Variants in HSPA1L observed in about 807,000 individuals in gnomAD.
The protein encoded by HSPA1L is heat shock protein family A (Hsp70) member 1 like.
HSPA1L carries 21 observed loss-of-function variants against 31.5 expected under a neutral mutation model. The ratio of observed to expected loss-of-function variants is 0.67; its 90% CI spans 0.47 to 0.96. The LOEUF is 0.96. HSPA1L is among the 40% of genes least tolerant of loss of function. The pLI, the probability that HSPA1L is intolerant of heterozygous loss-of-function variation, is 0.00. For synonymous variants in HSPA1L, 293 were observed against 323.1 expected (o/e 0.91, Z 1.00); for missense variants, 709 against 813.4 (o/e 0.87, Z 1.56).
intron 1 of HSPA1L, among the ~76,000 whole-genome samples, chr6:31,813,075 C>G (rs1815544013): frequency 6.6e-6 from 1 of 152,212 alleles, no homozygotes; most frequent in Non-Finnish European, 1.5e-5. Context: ...CTCCCACCTC[C>G]AAGTCACCAA....
In HSPA1L at chr6:31,815,161, C is replaced by A. The variant is rs1019931443; in HGVS notation, c.-286G>T. 5.0e-5 allele frequency: 15 copies of A among 302,288 alleles called. No individual in the cohort carries two copies. Among genetic ancestry groups the A allele is most frequent in the Non-Finnish European group, 4.6e-5 (9 of 194,680 alleles). 18.7% of individuals were successfully genotyped at this position (302,288 alleles called of 1,614,324 possible). ...CTGGACGCGCGTAACCCGCTCCCCGCACCAGCCCCCTGCCCACAACTGCGC... is the reference window on the plus strand; with the variant it reads ...CTGGACGCGCGTAACCCGCTCCCCGAACCAGCCCCCTGCCCACAACTGCGC... On this transcript the variant is annotated 5_prime_UTR_variant, in exon 1 of 2. Coordinates refer to ENST00000375654, the MANE Select transcript of HSPA1L (RefSeq NM_005527.4).
chr6:31,812,414 C>A (rs1815491816), intron 1 of HSPA1L, among the ~76,000 whole-genome samples: 1 of 151,970 alleles, frequency 6.6e-6, no homozygotes, highest in Non-Finnish European at 1.5e-5. Context: ...CTCAGGTGAT[C>A]CGCCCGCCTC....
At position 31,811,786 on chromosome 6, in the gene HSPA1L, T is replaced by C. The variant is rs778784868; in HGVS notation, c.187A>G (p.Met63Val). The change falls in exon 2 of 2, where the codon ATG (methionine) becomes GTG (valine). Residue 63 changes from methionine to valine, a missense_variant. Coordinates refer to ENST00000375654, the MANE Select transcript of HSPA1L (RefSeq NM_005527.4). ...IGDAAKNQVA[M>V]NPQNTVFDAK... Reference sequence around the variant, plus strand: ...TCAAAAACAGTGTTCTGGGGATTCATTGCTACCTGGTTCTTGGCCGCATCC... The same window carrying C: ...TCAAAAACAGTGTTCTGGGGATTCACTGCTACCTGGTTCTTGGCCGCATCC... 12 of 1,614,082 alleles carry C rather than the reference T, an allele frequency of 7.4e-6. No homozygotes were observed. Among genetic ancestry groups the C allele is most frequent in the African/African-American group, 2.7e-5 (2 of 74,924 alleles).
At position 31,811,804 on chromosome 6, in the gene HSPA1L, C is replaced by T; in HGVS notation, c.169G>A (p.Ala57Thr). 2 of 1,614,162 alleles carry T rather than the reference C, an allele frequency of 1.2e-6. No homozygotes were observed. Among genetic ancestry groups the T allele is most frequent in the Non-Finnish European group, 1.7e-6 (2 of 1,180,042 alleles). The change falls in exon 2 of 2, where the codon GCC becomes ACC. Residue 57 changes from alanine (A) to threonine (T), a missense_variant. By Grantham distance (58) the Ala-to-Thr change is moderately conservative. Coordinates refer to ENST00000375654, the MANE Select transcript of HSPA1L (RefSeq NM_005527.4). Reference sequence around the variant, plus strand: ...GGATTCATTGCTACCTGGTTCTTGGCCGCATCCCCAATGAGCCGCTCGGTG... The same window carrying T: ...GGATTCATTGCTACCTGGTTCTTGGTCGCATCCCCAATGAGCCGCTCGGTG... ...TDTERLIGDAAKNQVAMNPQN... is the reference protein window; with the variant it reads ...TDTERLIGDATKNQVAMNPQN...
rs1463437168 is a variant in HSPA1L, at chr6:31,811,902, T to G, written c.71A>C (p.Gln24Pro). ...GGCGATGATCTCCACCTTGCCGTGC[T>G]GGAACACCCCCACACAGGAGTAGGT... ...GTTYSCVGVF[Q>P]HGKVEIIAND... The change falls in exon 2 of 2, where the codon CAG becomes CCG. Residue 24 changes from glutamine (Q) to proline (P), a missense_variant. Gln to Pro is a moderately conservative substitution (Grantham distance 76, BLOSUM62 -1). Transcript: ENST00000375654. The G allele has an allele frequency of 5.6e-6, 9 of 1,614,112 alleles. No homozygotes were observed. Among genetic ancestry groups the G allele is most frequent in the Non-Finnish European group, 7.6e-6 (9 of 1,180,040 alleles).
intron 1 of HSPA1L, 95 bp downstream of exon 1, chr6:31,814,794 G>T: frequency 1.6e-6 from 1 of 611,570 alleles, no homozygotes; most frequent in Non-Finnish European, 2.0e-6. Flanking sequence ...ACATACCTCA[G>T]GCTTAAACCA....
Position 31,811,909 on chromosome 6 carries a change from C to T in HSPA1L, c.64G>A (p.Val22Met), listed in dbSNP as rs1222321552. 6.2e-7 allele frequency: 1 copy of T among 1,614,208 alleles called. No homozygotes were observed. Among genetic ancestry groups the T allele is most frequent in the Non-Finnish European group, 8.5e-7 (1 of 1,180,034 alleles). Residue 22 changes from valine to methionine, a missense_variant, in exon 2 of 2, where the codon GTG (valine) becomes ATG (methionine). Coordinates refer to ENST00000375654, the MANE Select transcript of HSPA1L (RefSeq NM_005527.4). The stretch of plus-strand genomic sequence containing the variant: ...ATCTCCACCTTGCCGTGCTGGAACA[C>T]CCCCACACAGGAGTAGGTGGTGCCC... Reference protein sequence around the residue: ...DLGTTYSCVGVFQHGKVEIIA... With the variant: ...DLGTTYSCVGMFQHGKVEIIA...
Position 31,810,988 on chromosome 6 carries a change from C to G in HSPA1L, c.985G>C (p.Asp329His), listed in dbSNP as rs976294956. The stretch of plus-strand genomic sequence containing the variant: ...ACAATGTCATGGATTTTAGCCTTAT[C>G]CATCTTGGCATCCCGAAGCGCTTTT... ...VEKALRDAKM[D>H]KAKIHDIVLV... Residue 329 changes from aspartate (D) to histidine (H), a missense_variant, in exon 2 of 2, where the codon GAT becomes CAT. Asp to His is a moderately conservative substitution (Grantham distance 81, BLOSUM62 -1). Coordinates refer to ENST00000375654, the MANE Select transcript of HSPA1L (RefSeq NM_005527.4). 1 of 1,614,202 alleles carries G rather than the reference C, an allele frequency of 6.2e-7. No individual in the cohort carries two copies. The highest frequency in any genetic ancestry group is 8.5e-7 in the Non-Finnish European group (1 of 1,180,014).
rs1292534846 is a variant in HSPA1L, at chr6:31,809,988, A to G, written c.*59T>C. The G allele has an allele frequency of 5.5e-6, 7 of 1,281,978 alleles. No individual in the cohort carries two copies. The highest frequency in any genetic ancestry group is 1.6e-5 in the African/African-American group (1 of 63,288). The allele number at this position is 1,281,978 out of a possible 1,614,324, so 79.4% of individuals were successfully genotyped here. On this transcript the variant is annotated 3_prime_UTR_variant, in exon 2 of 2. Transcript: ENST00000375654. ...GGTCAAGAATAATAATGATGTTTGAAGATGAGGGGAATGAAATACATGTAG... is the reference window on the plus strand; with the variant it reads ...GGTCAAGAATAATAATGATGTTTGAGGATGAGGGGAATGAAATACATGTAG...
rs1322998108 is a variant in HSPA1L, at chr6:31,811,506, TGA to T, written c.465_466del (p.Gln156ThrfsTer5). ...ACCTGCATCCTTAGTAGCCTGACGT[TGA>T]GAGTCATTGAAATAGGCTGGCACGG... On this transcript the variant is annotated frameshift_variant, in exon 2 of 2. Transcript: ENST00000375654. LOFTEE classifies it high-confidence loss of function. 3.1e-6 allele frequency: 5 copies of T among 1,614,050 alleles called. No individual in the cohort carries two copies. The highest frequency in any genetic ancestry group is 2.2e-5 in the East Asian group (1 of 44,900).
In HSPA1L at chr6:31,811,448, G is replaced by T. The variant is rs1562342206; in HGVS notation, c.525C>A (p.Ile175=). ...VIAGLNVLRI[I]NEPTAAAIAY... ...CAATGGCAGCAGCCGTGGGCTCATT[G>T]ATGATTCTTAGCACATTAAGTCCAG... Residue 175 remains isoleucine, a synonymous_variant, in exon 2 of 2, where the codon ATC becomes ATA. Transcript: ENST00000375654. 2.5e-6 allele frequency: 4 copies of T among 1,614,146 alleles called. No homozygotes were observed. Among genetic ancestry groups the T allele is most frequent in the Non-Finnish European group, 3.4e-6 (4 of 1,180,024 alleles).
At chr6:31,813,266 C>A (rs1466350844) in intron 1 of HSPA1L, among the ~76,000 whole-genome samples, 3 of 152,174 alleles carry the variant, frequency 2.0e-5, no homozygotes, top group Admixed American at 6.5e-5. Context: ...TCACAATTTC[C>A]TTCCTAAGGC....
intron 1 of HSPA1L, 93 bp from the exon 2 acceptor site, chr6:31,812,078 G>C (rs1468739640): frequency 6.9e-7 from 1 of 1,446,278 alleles, no homozygotes; most frequent in Non-Finnish European, 9.2e-7. Context: ...ACCCAGGTTG[G>C]AGTGCAGAGG....
In HSPA1L at chr6:31,810,545, G is replaced by C; in HGVS notation, c.1428C>G (p.Ile476Met). Reference protein sequence around the residue: ...IPPAPRGVPQIEVTFDIDANG... With the variant: ...IPPAPRGVPQMEVTFDIDANG... Reference sequence around the variant, plus strand: ...TGGCATCAATGTCAAACGTCACCTCGATCTGAGGAACTCCCCTGGGTGCTG... The same window carrying C: ...TGGCATCAATGTCAAACGTCACCTCCATCTGAGGAACTCCCCTGGGTGCTG... The change falls in exon 2 of 2, where the codon ATC (isoleucine) becomes ATG (methionine). Residue 476 changes from isoleucine (I) to methionine (M), a missense_variant. Physicochemically the swap from Ile to Met is conservative, Grantham distance 10 (BLOSUM62 1). Coordinates refer to ENST00000375654, the MANE Select transcript of HSPA1L (RefSeq NM_005527.4). The C allele has an allele frequency of 3.1e-6, 5 of 1,613,252 alleles. No individual in the cohort carries two copies. The highest frequency in any genetic ancestry group is 4.2e-6 in the Non-Finnish European group (5 of 1,179,574).
rs1245863225 is a variant in HSPA1L at position 31,810,745 on chromosome 6, C to T, written c.1228G>A (p.Gly410Ser). The change falls in exon 2 of 2, where the codon GGC becomes AGC. Residue 410 changes from glycine (G) to serine (S), a missense_variant. By Grantham distance (56) the Gly-to-Ser change is moderately conservative. Transcript: ENST00000375654. The stretch of plus-strand genomic sequence containing the variant: ...CGCTTTATCAGGGCAGTCATCACGC[C>T]CCCAGCCGTCTCCAGCCCCAGGGAC... ...PLSLGLETAG[G>S]VMTALIKRNS... 1 of 1,614,028 alleles carries T rather than the reference C, an allele frequency of 6.2e-7. No individual in the cohort carries two copies. The highest frequency in any genetic ancestry group is 8.5e-7 in the Non-Finnish European group (1 of 1,179,994).
Position 31,811,051 on chromosome 6 carries a change from A to G in HSPA1L, c.922T>C (p.Cys308Arg). The G allele has an allele frequency of 6.2e-7, 1 of 1,614,210 alleles. No individual in the cohort carries two copies. Among genetic ancestry groups the G allele is most frequent in the South Asian group, 1.1e-5 (1 of 91,086 alleles). ...AGGGTACCCCTAAACAGGTCTGCAC[A>G]CAACTCTTCAAATCGAGCTCTGGTG... ...SITRARFEEL[C>R]ADLFRGTLEP... Residue 308 changes from cysteine to arginine, a missense_variant, in exon 2 of 2, where the codon TGT becomes CGT. Coordinates refer to ENST00000375654, the MANE Select transcript of HSPA1L (RefSeq NM_005527.4).
Position 31,815,161 on chromosome 6 carries a change from C to G in HSPA1L, c.-286G>C, listed in dbSNP as rs1019931443. On this transcript the variant is annotated 5_prime_UTR_variant, in exon 1 of 2. Coordinates refer to ENST00000375654, the MANE Select transcript of HSPA1L (RefSeq NM_005527.4). ...CTGGACGCGCGTAACCCGCTCCCCG[C>G]ACCAGCCCCCTGCCCACAACTGCGC... 6.6e-6 allele frequency: 2 copies of G among 302,288 alleles called. No individual in the cohort carries two copies. Among genetic ancestry groups the G allele is most frequent in the Admixed American group, 5.3e-5 (1 of 18,858 alleles). The allele number at this position is 302,288 out of a possible 1,614,324, so 18.7% of individuals were successfully genotyped here. A position where few individuals can be genotyped will look rare whatever the true frequency, so the allele number is the denominator to read the frequency against.
chr6:31,812,922 T>C (rs1375116931), intron 1 of HSPA1L, among the ~76,000 whole-genome samples: 1 of 151,946 alleles, frequency 6.6e-6, no homozygotes, highest in African/African-American at 2.4e-5. Flanking sequence ...CCCAGGCTCA[T>C]AGGATCCTTT....
Position 31,809,722 on chromosome 6 carries a change from AC to A in HSPA1L, c.*324del, listed in dbSNP as rs1262402774. The A allele has an allele frequency of 2.0e-5, 6 of 303,394 alleles. No homozygotes were observed. Among genetic ancestry groups the A allele is most frequent in the Non-Finnish European group, 1.8e-5 (3 of 166,860 alleles). 18.8% of individuals were successfully genotyped at this position (303,394 alleles called of 1,614,324 possible). A position where few individuals can be genotyped will look rare whatever the true frequency, so the allele number is the denominator to read the frequency against. On this transcript the variant is annotated 3_prime_UTR_variant, in exon 2 of 2. Transcript: ENST00000375654. ...TTCAAGGTACATTCACAGCCTAAAT[AC>A]CAGAAGTAATTTTCTTTACGAACAA...
Sources: allele counts gnomAD v4.1 joint callset (sites outside exome capture counted in the v4.1 genomes callset), GRCh38; gene constraint gnomAD v4.1.1; transcripts MANE v1.5; gene names NCBI Gene and HGNC (gene_info 2026-07-23, HGNC 2026-07-21).